Variants in FBXL18 observed in about 807,000 individuals in gnomAD.
FBXL18 encodes F-box/LRR-repeat protein 18.
Under a neutral mutation model 46.0 loss-of-function variants are expected in FBXL18, and 36 were observed. The ratio of observed to expected loss-of-function variants is 0.78; its 90% confidence interval spans 0.60 to 1.03. The LOEUF (loss-of-function observed/expected upper bound fraction) is 1.03, where lower values mean the gene tolerates loss of function less well. Ranked by LOEUF, FBXL18 falls within the 50% of genes least tolerant of loss-of-function variation. The probability of loss-of-function intolerance (pLI) is 0.00; values close to 1 mark genes in which losing one functional copy is unlikely to be tolerated. For synonymous variants in FBXL18, 557 were observed against 465.3 expected (o/e 1.20, Z -2.54); for missense variants, 977 against 1,004.1 (o/e 0.97, Z 0.36).
chr7:5,509,477 G>A (rs924478485), intron 1 of FBXL18, among the ~76,000 whole-genome samples: 10 of 151,806 alleles, frequency 6.6e-5, no homozygotes, highest in Non-Finnish European at 1.3e-4. Flanking sequence ...GGTGGATCAC[G>A]AGGTCAGGAG....
At chr7:5,473,714 T>C (rs1300654725), downstream of FBXL18, among the ~76,000 whole-genome samples, 2 of 150,938 alleles carry the variant, frequency 1.3e-5, no homozygotes, top group Non-Finnish European at 2.9e-5. Context: ...TGAGCCGAGA[T>C]TGTGCCACTG....
intron 2 of FBXL18, among the ~76,000 whole-genome samples, chr7:5,504,584 G>A (rs1784346218): frequency 6.9e-6 from 1 of 144,034 alleles, no homozygotes; most frequent in Admixed American, 6.9e-5. Context: ...GGGATTACAG[G>A]CGTGAACCAC....
rs772379339 is a variant in FBXL18 at position 5,501,285 on chromosome 7, G to T, written c.984C>A (p.Gly328=). ...TGATGACCTGCTGGATCAGATGGCC[G>T]CCTGACAGGGTACAGCGGCTGAAAC... is the stretch of plus-strand genomic sequence containing the variant. ...YFSFSRCTLS[G]GHLIQQVING... The change falls in exon 3 of 5, where the codon GGC becomes GGA. Residue 328 remains glycine, a synonymous_variant. Transcript: ENST00000382368. 3.1e-6 allele frequency: 5 copies of T among 1,614,036 alleles called. No homozygotes were observed. The highest frequency in any genetic ancestry group is 2.7e-5 in the African/African-American group (2 of 74,950).
chr7:5,491,301 C>A lies in FBXL18; in HGVS notation c.1930G>T (p.Val644Phe). 6.2e-7 allele frequency: 1 copy of A among 1,612,748 alleles called. No homozygotes were observed. The highest frequency in any genetic ancestry group is 1.1e-5 in the South Asian group (1 of 90,930). Reference sequence around the variant, plus strand: ...TCCCCGGTGAACAGGTGGCACATGACAACCTGCAGGCAGCGAGCCATGAAG... The same window carrying A: ...TCCCCGGTGAACAGGTGGCACATGAAAACCTGCAGGCAGCGAGCCATGAAG... Reference protein sequence around the residue: ...LAFMARCLQVVMCHLFTGESL... With the variant: ...LAFMARCLQVFMCHLFTGESL... The change falls in exon 4 of 5, where the codon GTC becomes TTC. Residue 644 changes from valine (V) to phenylalanine (F), a missense_variant. Transcript: ENST00000382368.
intron 1 of FBXL18, among the ~76,000 whole-genome samples, chr7:5,512,293 T>A (rs1784559453): frequency 8.5e-6 from 1 of 117,530 alleles, no homozygotes; most frequent in Admixed American, 9.0e-5. Flanking sequence ...TGTGAAGTGT[T>A]ATTTAAAAAA....
chr7:5,481,466 G>T lies in FBXL18; in HGVS notation c.*309C>A, dbSNP rs1407772112. ...CCAGGCCCGTGGACAGGGCCCCCAG[G>T]GATTGCGGCTCAGTATACAAACCCC... On this transcript the variant is annotated 3_prime_UTR_variant, in exon 5 of 5. Coordinates refer to ENST00000382368, the MANE Select transcript of FBXL18 (RefSeq NM_024963.6). 2.6e-5 allele frequency: 7 copies of T among 268,756 alleles called. No homozygotes were observed. The highest frequency in any genetic ancestry group is 2.2e-5 in the Non-Finnish European group (3 of 138,266). 16.6% of individuals were successfully genotyped at this position (268,756 alleles called of 1,614,324 possible). A position where few individuals can be genotyped will look rare whatever the true frequency, so the allele number is the denominator to read the frequency against.
At chr7:5,495,321 G>A (rs1232505201) in intron 3 of FBXL18, among the ~76,000 whole-genome samples, 10 of 152,274 alleles carry the variant, frequency 6.6e-5, no homozygotes, top group East Asian at 3.9e-4. Context: ...GGGTGGCTCC[G>A]GGGCCTGGCT....
intron 4 of FBXL18, among the ~76,000 whole-genome samples, chr7:5,469,845 C>T (rs770931493): frequency 2.7e-5 from 4 of 149,612 alleles, no homozygotes; most frequent in Non-Finnish European, 5.9e-5. Flanking sequence ...GGGTGTGACA[C>T]GGGAGAGGGT....
intron 4 of FBXL18, among the ~76,000 whole-genome samples, chr7:5,490,763 G>A (rs28547265): frequency 1.0e-3 from 157 of 152,276 alleles, no homozygotes; most frequent in African/African-American, 3.5e-3. Flanking sequence ...TCGGGAGTTC[G>A]AGACCAGCCT....
At position 5,500,971 on chromosome 7, in the gene FBXL18, T is replaced by TCGGCGCG; in HGVS notation, c.1291_1297dup (p.Asp433AlafsTer271). ...CATGGCCGGCTGGGCGGGCGCGCGG[T>TCGGCGCG]CGGCGCGCGGCGCGGAGTCAGCGAC... is the stretch of plus-strand genomic sequence containing the variant. On this transcript the variant is annotated frameshift_variant, in exon 3 of 5. Transcript: ENST00000382368. LOFTEE classifies it high-confidence loss of function. 4 of 1,538,156 alleles carry TCGGCGCG rather than the reference T, an allele frequency of 2.6e-6. No individual in the cohort carries two copies. Among genetic ancestry groups the TCGGCGCG allele is most frequent in the Non-Finnish European group, 3.5e-6 (4 of 1,149,036 alleles).
intron 1 of FBXL18, among the ~76,000 whole-genome samples, chr7:5,511,776 A>G (rs990718719): frequency 2.6e-5 from 4 of 151,326 alleles, no homozygotes; most frequent in African/African-American, 7.3e-5. Flanking sequence ...TCAAAAAAAA[A>G]AAAAAGGATC....
rs75624481 is a variant in FBXL18 at position 5,491,915 on chromosome 7, C to T, written c.1782-466G>A. On this transcript the variant is annotated intron_variant, in intron 3 of 4. Coordinates refer to ENST00000382368, the MANE Select transcript of FBXL18 (RefSeq NM_024963.6). The stretch of plus-strand genomic sequence containing the variant: ...AACACCATGAGAGAGGGCGGTAATC[C>T]GGGAGGCTGGTGTGGGGGAGGGAGA... Among the ~76,000 whole-genome samples, 456 of 151,822 alleles carry T rather than the reference C, an allele frequency of 3.0e-3. 2 individuals are homozygous for T. The highest frequency in any genetic ancestry group is 0.01 in the African/African-American group (427 of 41,410).
At chr7:5,489,146 G>C in intron 4 of FBXL18, 1 of 431,350 alleles carries the variant, frequency 2.3e-6, no homozygotes, top group Non-Finnish European at 4.6e-6. Flanking sequence ...GGCGGACCAC[G>C]ACACCCAGAT....
chr7:5,509,192 CAAAA>C (rs35365443), intron 1 of FBXL18, among the ~76,000 whole-genome samples: 2 of 103,332 alleles, frequency 1.9e-5, no homozygotes, highest in Non-Finnish European at 1.9e-5. Context: ...GACTCTGTCT[CAAAA>C]AAAAAAAAAA....
In FBXL18 at chr7:5,506,892, C is replaced by T. The variant is rs566782863; in HGVS notation, c.19-1262G>A. The stretch of plus-strand genomic sequence containing the variant: ...GCTGTAGTTCATATCTGGCAAATTA[C>T]AAGGTGTTCTTCCCTAATGTGGGCC... On this transcript the variant is annotated intron_variant, in intron 1 of 4. Transcript: ENST00000382368. 2.7e-4 allele frequency among the ~76,000 whole-genome samples: 41 copies of T among 152,290 alleles called. No individual in the cohort carries two copies. In the East Asian group the frequency reaches 6.9e-3, roughly 26 times the overall value.
At chr7:5,484,266 G>A (rs1319856243) in intron 4 of FBXL18, among the ~76,000 whole-genome samples, 1 of 151,976 alleles carries the variant, frequency 6.6e-6, no homozygotes, top group African/African-American at 2.4e-5. Context: ...AGGAGATCAA[G>A]ACCATCCTGG....
downstream of FBXL18, among the ~76,000 whole-genome samples, chr7:5,471,774 C>T (rs1427723031): frequency 2.0e-5 from 3 of 152,218 alleles, no homozygotes. Context: ...CTTTTCAGGG[C>T]TCTTCGCATG....
downstream of FBXL18, among the ~76,000 whole-genome samples, chr7:5,472,336 C>A (rs1783439037): frequency 6.6e-6 from 1 of 152,174 alleles, no homozygotes; most frequent in Admixed American, 6.5e-5. Context: ...GGGGTCTGTG[C>A]CCCGTCTCTT....
chr7:5,466,728 C>T (rs921675574), intron 4 of FBXL18, among the ~76,000 whole-genome samples: 5 of 152,158 alleles, frequency 3.3e-5, no homozygotes, highest in African/African-American at 4.8e-5. Flanking sequence ...GTCACAGCAC[C>T]GCCGTGCCAC....
Sources: allele counts gnomAD v4.1 joint callset (sites outside exome capture counted in the v4.1 genomes callset), GRCh38; gene constraint gnomAD v4.1.1; transcripts MANE v1.5; gene names NCBI Gene and HGNC (gene_info 2026-07-23, HGNC 2026-07-21).